Variants in TRNT1 observed in about 807,000 individuals in gnomAD.
TRNT1 encodes the protein tRNA nucleotidyl transferase 1.
TRNT1 carries 44 observed loss-of-function variants against 45.6 expected under a neutral mutation model. The ratio of observed to expected loss-of-function variants is 0.97; its 90% CI spans 0.76 to 1.24. TRNT1 has a LOEUF of 1.24. TRNT1 is among the 50% of genes most tolerant of loss of function. The probability of loss-of-function intolerance (pLI) is 0.00; values close to 1 mark genes in which losing one functional copy is unlikely to be tolerated. For missense variants in TRNT1, 633 were observed against 504.4 expected, an observed-to-expected ratio of 1.25 and a Z score of -2.44; for synonymous variants, 201 against 171.4, an observed-to-expected ratio of 1.17 and a Z score of -1.35.
chr3:3,138,938 C>G (rs1468583933), intron 3 of TRNT1, among the ~76,000 whole-genome samples: 1 of 152,152 alleles, frequency 6.6e-6, no homozygotes, highest in Non-Finnish European at 1.5e-5. Context: ...AAGTGTCAGC[C>G]AACTGGGACT....
At chr3:3,133,849 C>T (rs2126011346) in intron 2 of TRNT1, among the ~76,000 whole-genome samples, 1 of 152,194 alleles carries the variant, frequency 6.6e-6, no homozygotes, top group East Asian at 2.0e-4. Context: ...CCACTCATAG[C>T]TCCCACTCAC....
In TRNT1 at chr3:3,129,049, G is replaced by T; in HGVS notation, c.9G>T (p.Arg3Ser). Reference protein sequence around the residue: MLRCLYHWHRPVL... With the variant: MLSCLYHWHRPVL... The stretch of plus-strand genomic sequence containing the variant: ...GGTGACTGCCTCTCCAGATGCTGAG[G>T]TGCCTGTATCATTGGCACAGGCCAG... Residue 3 changes from arginine (R) to serine (S), a missense_variant, in exon 2 of 8, where the codon AGG becomes AGT. Coordinates refer to ENST00000251607, the MANE Select transcript of TRNT1 (RefSeq NM_182916.3). 6.2e-7 allele frequency: 1 copy of T among 1,609,510 alleles called. No homozygotes were observed. Among genetic ancestry groups the T allele is most frequent in the East Asian group, 2.2e-5 (1 of 44,828 alleles).
At chr3:3,134,187 T>G (rs75078332) in intron 2 of TRNT1, among the ~76,000 whole-genome samples, 2,902 of 152,270 alleles carry the variant, frequency 0.019, 85 homozygotes, top group African/African-American at 0.065. Flanking sequence ...CAAAGTCTTT[T>G]GAAATGTTGA....
chr3:3,136,865 G>C (rs566998117), intron 2 of TRNT1: 22 of 295,462 alleles, frequency 7.4e-5, no homozygotes, highest in South Asian at 5.9e-4. Context: ...TGCCCAGGCT[G>C]GTCTTGAACT....
At chr3:3,127,366 T>A (rs1250098062) in intron 1 of TRNT1, 2 of 152,124 alleles carry the variant, frequency 1.3e-5, no homozygotes, top group Non-Finnish European at 2.9e-5. Context: ...GGAAACTGAG[T>A]GGGTCTTTCC....
rs754883449 is a variant in TRNT1, at chr3:3,144,596, CTTTA to C, written c.498_501del (p.Phe167ThrfsTer9). ...TTCTAATGAATAGGTTTTGATGGCA[CTTTA>C]TTTGACTACTTTAATGGTTATGAAG... On this transcript the variant is annotated frameshift_variant, in exon 5 of 8. Transcript: ENST00000251607. LOFTEE classifies it high-confidence loss of function. 1.8e-5 allele frequency: 29 copies of C among 1,580,546 alleles called. No homozygotes were observed. The highest frequency in any genetic ancestry group is 4.6e-5 in the East Asian group (2 of 43,852).
intron 2 of TRNT1, chr3:3,129,835 A>C: frequency 1.9e-6 from 3 of 1,544,318 alleles, no homozygotes; most frequent in Non-Finnish European, 2.6e-6. Flanking sequence ...TTCTGTAACT[A>C]CTAACTAGAG....
intron 3 of TRNT1, 102 bp downstream of exon 3, chr3:3,137,555 A>T: frequency 1.9e-6 from 2 of 1,034,898 alleles, no homozygotes; most frequent in African/African-American, 1.6e-5. Context: ...CTAATAAAAA[A>T]GTCAGTCTCT....
chr3:3,145,572 T>C (rs935396220), intron 5 of TRNT1: 19 of 151,762 alleles, frequency 1.3e-4, no homozygotes, highest in African/African-American at 4.4e-4. Context: ...ACTAGTTTTG[T>C]GGGTAGCAAT....
intron 7 of TRNT1, 94 bp downstream of exon 7, chr3:3,147,797 T>C: frequency 6.6e-7 from 1 of 1,518,252 alleles, no homozygotes; most frequent in Non-Finnish European, 8.8e-7. Flanking sequence ...CTGTGAATTT[T>C]ACTTATTTTA....
chr3:3,150,758 G>C, downstream of TRNT1: 1 of 1,050,780 alleles, frequency 9.5e-7, no homozygotes, highest in Non-Finnish European at 1.4e-6. Context: ...TGTTTACTTA[G>C]GTATTAATGT....
Position 3,140,654 on chromosome 3 carries a change from A to G in TRNT1, c.481+6A>G. The G allele has an allele frequency of 6.2e-7, 1 of 1,613,558 alleles. No individual in the cohort carries two copies. The highest frequency in any genetic ancestry group is 8.5e-7 in the Non-Finnish European group (1 of 1,179,768). ...TATAAATTCTATGTTTTTAGGTAAT[A>G]TTTGCAGATAAAACCATATTGTGAG... On this transcript the variant is annotated splice_donor_region_variant and intron_variant, in intron 4 of 7. Transcript: ENST00000251607.
chr3:3,128,879 A>T lies in TRNT1; in HGVS notation c.-27-135A>T, dbSNP rs1431333886. ...GACCTAGTCGTAATCCCTCAAACTG[A>T]CACCGTTTTCAGTTTTTTCATCTGA... On this transcript the variant is annotated intron_variant, in intron 1 of 7. Transcript: ENST00000251607. 4.4e-6 allele frequency: 3 copies of T among 674,350 alleles called. No homozygotes were observed. The East Asian group carries it at 7.8e-5, about 18-fold the overall frequency. 41.8% of individuals were successfully genotyped at this position (674,350 alleles called of 1,614,324 possible). A position where few individuals can be genotyped will look rare whatever the true frequency, so the allele number is the denominator to read the frequency against.
chr3:3,147,411 C>G (rs531950490), intron 6 of TRNT1, 39 bp from the exon 7 acceptor site: 2 of 1,600,072 alleles, frequency 1.2e-6, no homozygotes, highest in South Asian at 2.2e-5. Flanking sequence ...GTTTTTTATC[C>G]CCACTAAAAA....
At chr3:3,135,436 G>A (rs922837254) in intron 2 of TRNT1, among the ~76,000 whole-genome samples, 14 of 151,954 alleles carry the variant, frequency 9.2e-5, no homozygotes, top group African/African-American at 2.4e-4. Context: ...AAATCCCTAT[G>A]TCTAGATGGT....
chr3:3,151,352 G>C (rs1706535707), downstream of TRNT1, among the ~76,000 whole-genome samples: 1 of 151,830 alleles, frequency 6.6e-6, no homozygotes, highest in African/African-American at 2.4e-5. Context: ...ATTCTAACTT[G>C]TACTGGCACC....
At position 3,147,533 on chromosome 3, in the gene TRNT1, T is replaced by C. The variant is rs374592904; in HGVS notation, c.886T>C (p.Leu296=). Reference sequence around the variant, plus strand: ...TTTTTCACCAAAGCCAGTGACTCTTTTGGCCTCATTATTCAAAGTACAAGA... The same window carrying C: ...TTTTTCACCAAAGCCAGTGACTCTTCTGGCCTCATTATTCAAAGTACAAGA... The part of the protein sequence containing the change: ...DGFSPKPVTL[L]ASLFKVQDDV... The change falls in exon 7 of 8, where the codon TTG becomes CTG. Residue 296 remains leucine (L), a synonymous_variant. Transcript: ENST00000251607. The C allele has an allele frequency of 3.7e-6, 6 of 1,613,864 alleles. No individual in the cohort carries two copies. Among genetic ancestry groups the C allele is most frequent in the East Asian group, 2.2e-5 (1 of 44,858 alleles).
chr3:3,151,001 A>C, downstream of TRNT1: 1 of 1,613,968 alleles, frequency 6.2e-7, no homozygotes, highest in Non-Finnish European at 8.5e-7. Flanking sequence ...CTTCCATCCA[A>C]TATGGCTTGC....
Position 3,137,278 on chromosome 3 carries a change from A to T in TRNT1, c.167A>T (p.Asn56Ile). Residue 56 changes from asparagine to isoleucine, a missense_variant, in exon 3 of 8, where the codon AAT becomes ATT. Physicochemically the swap from Asn to Ile is moderately radical, Grantham distance 149. Transcript: ENST00000251607. Reference sequence around the variant, plus strand: ...ATCTCAGAATTATTTGTCAAAGAGAATCACGAATTAAGAATAGCAGGAGGA... The same window carrying T: ...ATCTCAGAATTATTTGTCAAAGAGATTCACGAATTAAGAATAGCAGGAGGA... ...KSLTELFVKENHELRIAGGAV... is the reference protein window; with the variant it reads ...KSLTELFVKEIHELRIAGGAV... 1 of 1,592,586 alleles carries T rather than the reference A, an allele frequency of 6.3e-7. No homozygotes were observed. Among genetic ancestry groups the T allele is most frequent in the Non-Finnish European group, 8.5e-7 (1 of 1,173,318 alleles).
Sources: allele counts gnomAD v4.1 joint callset (sites outside exome capture counted in the v4.1 genomes callset), GRCh38; gene constraint gnomAD v4.1.1; transcripts MANE v1.5; gene names NCBI Gene and HGNC (gene_info 2026-07-23, HGNC 2026-07-21).